Variants in KIAA1217 observed in about 807,000 individuals in gnomAD.
The protein encoded by KIAA1217 is KIAA1217.
A neutral mutation model predicts 163.9 loss-of-function variants in KIAA1217; 88 were observed. The observed-to-expected ratio is 0.54, with a 90% CI of 0.45 to 0.64. KIAA1217 has a LOEUF of 0.64. Among genes scored for constraint, KIAA1217 ranks in the 30% least tolerant of loss-of-function variants. The pLI is 0.00. For missense variants in KIAA1217, 2,372 were observed against 2,475.0 expected (o/e 0.96, Z 0.88); for synonymous variants, 903 against 923.1 (o/e 0.98, Z 0.39).
chr10:23,951,611 C>T (rs1444147354), intron 1 of KIAA1217, among the ~76,000 whole-genome samples: 1 of 151,724 alleles, frequency 6.6e-6, no homozygotes, highest in Non-Finnish European at 1.5e-5. Context: ...CATGATTGTA[C>T]CACTGCACTC....
chr10:23,854,873 C>T (rs962853101), intron 1 of KIAA1217, among the ~76,000 whole-genome samples: 1 of 152,076 alleles, frequency 6.6e-6, no homozygotes, highest in African/African-American at 2.4e-5. Context: ...CTTGGTAGAT[C>T]TTCCTCCATC....
chr10:23,807,126 T>G (rs1836780108), intron 1 of KIAA1217, among the ~76,000 whole-genome samples: 1 of 152,240 alleles, frequency 6.6e-6, no homozygotes, highest in African/African-American at 2.4e-5. Context: ...CACAGGACTG[T>G]GGCATTGGTA....
At chr10:24,497,039 T>G (rs1418308933) in intron 8 of KIAA1217, among the ~76,000 whole-genome samples, 1 of 152,232 alleles carries the variant, frequency 6.6e-6, no homozygotes, top group African/African-American at 2.4e-5. Context: ...TTTCTCACTC[T>G]AACGTATCAG....
chr10:23,744,076 C>T (rs1356965715), intron 1 of KIAA1217, among the ~76,000 whole-genome samples: 2 of 152,066 alleles, frequency 1.3e-5, no homozygotes, highest in East Asian at 1.9e-4. Flanking sequence ...TCCACAAAGA[C>T]GAGACCACTT....
chr10:23,951,469 C>T (rs915077531), intron 1 of KIAA1217, among the ~76,000 whole-genome samples: 1 of 152,136 alleles, frequency 6.6e-6, no homozygotes, highest in Non-Finnish European at 1.5e-5. Flanking sequence ...GCCTGGGCAA[C>T]ATGGCAAAAC....
intron 2 of KIAA1217, among the ~76,000 whole-genome samples, chr10:24,118,216 AC>A (rs1346212618): frequency 6.6e-6 from 1 of 151,942 alleles, no homozygotes; most frequent in Non-Finnish European, 1.5e-5. Flanking sequence ...AAACGTCCTT[AC>A]GTGCATTTCT....
At chr10:23,762,545 A>G (rs1332451583) in intron 1 of KIAA1217, among the ~76,000 whole-genome samples, 2 of 152,202 alleles carry the variant, frequency 1.3e-5, no homozygotes, top group Non-Finnish European at 1.5e-5. Context: ...ATGCAGAAAA[A>G]GGCCTTTGAT....
At chr10:24,512,010 C>T (rs2069251995) in intron 9 of KIAA1217, among the ~76,000 whole-genome samples, 1 of 152,186 alleles carries the variant, frequency 6.6e-6, no homozygotes, top group African/African-American at 2.4e-5. Flanking sequence ...GGACACACAT[C>T]TACTAAGTGG....
intron 2 of KIAA1217, among the ~76,000 whole-genome samples, chr10:24,203,649 C>T (rs1181016800): frequency 6.6e-6 from 1 of 151,904 alleles, no homozygotes; most frequent in Non-Finnish European, 1.5e-5. Context: ...GTCTCTTTCC[C>T]CCAAATACTC....
Position 24,513,278 on chromosome 10 carries a change from T to C in KIAA1217, c.2021T>C (p.Leu674Pro). The change falls in exon 10 of 21, where the codon CTG becomes CCG. Residue 674 changes from leucine (L) to proline (P), a missense_variant. By Grantham distance (98) the Leu-to-Pro change is moderately conservative (BLOSUM62 -3). Around this residue, in one of 3 missense-constraint regions of KIAA1217, gnomAD observed 1,431 missense variants for 1,470.3 expected, o/e 0.97. Transcript: ENST00000376454. Reference protein sequence around the residue: ...RQLQLQNQELLRAMMKKAELE... With the variant: ...RQLQLQNQELPRAMMKKAELE... ...TCACAGCTGCAGAACCAGGAGTTGC[T>C]GAGGGCAATGATGAAGAAGGCCGAG... is the stretch of plus-strand genomic sequence containing the variant. The C allele has an allele frequency of 6.2e-7, 1 of 1,614,104 alleles. No individual in the cohort carries two copies. Among genetic ancestry groups the C allele is most frequent in the Non-Finnish European group, 8.5e-7 (1 of 1,180,008 alleles).
At chr10:23,839,161 T>G (rs1050035812) in intron 1 of KIAA1217, among the ~76,000 whole-genome samples, 10 of 152,194 alleles carry the variant, frequency 6.6e-5, no homozygotes, top group African/African-American at 2.4e-4. Flanking sequence ...TCTTATTTTA[T>G]CTAGTTCCCT....
chr10:23,919,902 G>A (rs1842790423), intron 1 of KIAA1217, among the ~76,000 whole-genome samples: 1 of 152,102 alleles, frequency 6.6e-6, no homozygotes, highest in Non-Finnish European at 1.5e-5. Context: ...CCTTCTCCAG[G>A]ACACAGTACT....
At chr10:24,451,637 A>G (rs922328381) in intron 5 of KIAA1217, among the ~76,000 whole-genome samples, 1 of 152,240 alleles carries the variant, frequency 6.6e-6, no homozygotes, top group Non-Finnish European at 1.5e-5. Flanking sequence ...TGATTGGAGC[A>G]GAACCTTCCT....
chr10:24,511,172 A>AAAAAAAAG (rs1554918365), intron 9 of KIAA1217, among the ~76,000 whole-genome samples: 3,509 of 114,696 alleles, frequency 0.031, 439 homozygotes, highest in African/African-American at 0.072. Flanking sequence ...AAAAAAAAAA[A>AAAAAAAAG]AGGAGCCTGG....
At chr10:24,235,923 T>C (rs2072191000) in intron 2 of KIAA1217, among the ~76,000 whole-genome samples, 1 of 152,192 alleles carries the variant, frequency 6.6e-6, no homozygotes, top group Non-Finnish European at 1.5e-5. Flanking sequence ...ATGAGCAATT[T>C]TATTAAACTA....
intron 1 of KIAA1217, among the ~76,000 whole-genome samples, chr10:23,817,096 C>T (rs183485756): frequency 4.6e-4 from 70 of 152,262 alleles, no homozygotes; most frequent in African/African-American, 1.6e-3. Flanking sequence ...AGGCAAAGTG[C>T]TAGTTCTTCC....
chr10:24,045,467 TC>T (rs1446938178), intron 2 of KIAA1217, among the ~76,000 whole-genome samples: 2 of 152,040 alleles, frequency 1.3e-5, no homozygotes, highest in African/African-American at 4.8e-5. Flanking sequence ...TTTATGGACC[TC>T]CTAGGAGTTG....
chr10:23,967,612 G>A (rs185558868), intron 1 of KIAA1217, among the ~76,000 whole-genome samples: 2 of 152,236 alleles, frequency 1.3e-5, no homozygotes, highest in Admixed American at 1.3e-4. Context: ...TGGGGAAATA[G>A]CATCCCTCTA....
intron 1 of KIAA1217, among the ~76,000 whole-genome samples, chr10:23,702,058 G>C (rs906776969): frequency 2.0e-4 from 30 of 152,292 alleles, no homozygotes; most frequent in African/African-American, 7.2e-4. Context: ...CCTGCTCCAT[G>C]ACCTTGTCCA....
Sources: gnomAD v4.1 joint callset for allele counts (sites outside exome capture counted in the v4.1 genomes callset) on GRCh38, gnomAD v4.1.1 for gene constraint, gnomAD v4.1.1 regional missense constraint, MANE v1.5 for transcripts, NCBI Gene and HGNC (gene_info 2026-07-23, HGNC 2026-07-21) for gene names.